PRKCE: variants seen among roughly 807,000 people sequenced by gnomAD.
PRKCE encodes the protein protein kinase C epsilon type.
PRKCE carries 16 observed loss-of-function variants against 85.4 expected under a neutral mutation model. The observed-to-expected ratio is 0.19, with a 90% confidence interval of 0.13 to 0.28. PRKCE has a LOEUF of 0.28. Ranked by LOEUF, PRKCE falls within the 10% of genes least tolerant of loss-of-function variation. The probability of loss-of-function intolerance (pLI) is 1.00; values close to 1 mark genes in which losing one functional copy is unlikely to be tolerated. For missense variants in PRKCE, 573 were observed against 975.2 expected, an observed-to-expected ratio of 0.59 and a Z score of 5.49; for synonymous variants, 388 against 371.5, an observed-to-expected ratio of 1.04 and a Z score of -0.51.
chr2:45,862,439 C>T (rs893026097), intron 2 of PRKCE, among the ~76,000 whole-genome samples: 42 of 152,226 alleles, frequency 2.8e-4, no homozygotes, highest in African/African-American at 9.6e-4. Context: ...TGCATTAGGC[C>T]GGAGATTGTT....
intron 9 of PRKCE, 54 bp from the exon 10 acceptor site, chr2:46,010,290 C>T (rs934074238): frequency 6.0e-6 from 9 of 1,497,368 alleles, no homozygotes; most frequent in African/African-American, 1.4e-5. Context: ...GCTTACACTT[C>T]TTCTTTTTAT....
At chr2:46,130,059 T>A (rs1358173712) in intron 11 of PRKCE, among the ~76,000 whole-genome samples, 1 of 152,142 alleles carries the variant, frequency 6.6e-6, no homozygotes, top group African/African-American at 2.4e-5. Context: ...AATAGCGAGT[T>A]TTTTTTAACC....
intron 2 of PRKCE, among the ~76,000 whole-genome samples, chr2:45,928,270 C>T (rs1467032384): frequency 6.6e-6 from 1 of 152,150 alleles, no homozygotes; most frequent in Non-Finnish European, 1.5e-5. Context: ...TTGAATATAA[C>T]TTTATACTTC....
At chr2:45,666,661 T>C (rs1000700151) in intron 1 of PRKCE, among the ~76,000 whole-genome samples, 17 of 152,048 alleles carry the variant, frequency 1.1e-4, no homozygotes, top group African/African-American at 3.6e-4. Context: ...GCTCTTGGAA[T>C]TGCGGTAACA....
chr2:45,918,362 C>G (rs927540631), intron 2 of PRKCE, among the ~76,000 whole-genome samples: 7 of 152,346 alleles, frequency 4.6e-5, no homozygotes, highest in East Asian at 1.9e-4. Flanking sequence ...TGTGGCACAG[C>G]TTTAACTTTT....
intron 14 of PRKCE, among the ~76,000 whole-genome samples, chr2:46,182,421 G>A (rs1315199005): frequency 2.6e-5 from 4 of 152,078 alleles, no homozygotes; most frequent in Admixed American, 1.3e-4. Context: ...TGGAGAGGGA[G>A]AACAGATGGT....
rs1553445440 is a variant in PRKCE at position 45,903,887 on chromosome 2, T to TTTTTTG, written c.412+60827_412+60828insTTGTTT. Among the ~76,000 whole-genome samples the TTTTTTG allele has an allele frequency of 4.9e-5, 5 of 102,612 alleles. 1 individual carries two copies. The highest frequency in any genetic ancestry group is 7.1e-5 in the African/African-American group (2 of 28,014). 67.3% of individuals were successfully genotyped at this position (102,612 alleles called of 152,430 possible). The stretch of plus-strand genomic sequence containing the variant: ...GAGAGCTTGTAGCCTGGCAGTTTTT[T>TTTTTTG]TTTGTTTGTTTGTTTGTTTGTTTGT... On this transcript the variant is annotated intron_variant, in intron 2 of 14. Transcript: ENST00000306156.
intron 10 of PRKCE, among the ~76,000 whole-genome samples, chr2:46,032,416 C>A (rs948547269): frequency 2.0e-5 from 3 of 152,222 alleles, no homozygotes; most frequent in African/African-American, 7.2e-5. Flanking sequence ...GGAAAACCGC[C>A]ATCCCTCTCT....
intron 1 of PRKCE, among the ~76,000 whole-genome samples, chr2:45,788,520 A>AGG (rs1686789793): frequency 6.6e-6 from 1 of 152,156 alleles, no homozygotes. Flanking sequence ...CATTGCAATC[A>AGG]GGGGGCCTGC....
intron 11 of PRKCE, among the ~76,000 whole-genome samples, chr2:46,087,289 G>C (rs1294875877): frequency 6.6e-6 from 1 of 152,044 alleles, no homozygotes; most frequent in East Asian, 1.9e-4. Context: ...CTGGATCTTT[G>C]ATTTTTGTTG....
At chr2:46,094,460 A>G (rs1242058584) in intron 11 of PRKCE, among the ~76,000 whole-genome samples, 1 of 152,244 alleles carries the variant, frequency 6.6e-6, no homozygotes, top group Non-Finnish European at 1.5e-5. Flanking sequence ...TCTTCAGATG[A>G]GATCATGTCC....
intron 2 of PRKCE, among the ~76,000 whole-genome samples, chr2:45,973,357 G>A (rs576512800): frequency 2.0e-5 from 3 of 152,324 alleles, no homozygotes; most frequent in Non-Finnish European, 2.9e-5. Context: ...GCAGCCACAG[G>A]CTCCAACCCC....
intron 2 of PRKCE, among the ~76,000 whole-genome samples, chr2:45,916,906 G>A (rs1248372359): frequency 1.3e-5 from 2 of 152,144 alleles, no homozygotes; most frequent in Non-Finnish European, 1.5e-5. Flanking sequence ...TGGTGGGTTC[G>A]TGGTCTCACC....
chr2:45,766,538 G>C (rs11685812), intron 1 of PRKCE, among the ~76,000 whole-genome samples: 28,710 of 152,132 alleles, frequency 0.19, 3,267 homozygotes, highest in Middle Eastern at 0.33. Flanking sequence ...GTTGAGGGAA[G>C]CATGATAAAC....
chr2:45,655,934 C>T (rs1572866069), intron 1 of PRKCE, among the ~76,000 whole-genome samples: 2 of 143,964 alleles, frequency 1.4e-5, no homozygotes, highest in Non-Finnish European at 3.0e-5. Flanking sequence ...GAGTGTGAAA[C>T]AGTAGGTTAT....
At chr2:46,047,061 G>T (rs1000557397) in intron 10 of PRKCE, among the ~76,000 whole-genome samples, 2 of 152,154 alleles carry the variant, frequency 1.3e-5, no homozygotes, top group African/African-American at 4.8e-5. Context: ...GTCAGGAGAG[G>T]TGTATCTGAT....
At chr2:46,170,873 G>C (rs77307849) in intron 14 of PRKCE, among the ~76,000 whole-genome samples, 4,337 of 152,288 alleles carry the variant, frequency 0.028, 87 homozygotes, top group Non-Finnish European at 0.04. Flanking sequence ...CTAAATAAGT[G>C]GGGGAGAGAT....
chr2:45,846,895 C>T (rs1054435424), intron 2 of PRKCE, among the ~76,000 whole-genome samples: 2 of 152,188 alleles, frequency 1.3e-5, no homozygotes, highest in Non-Finnish European at 2.9e-5. Flanking sequence ...TATCATGAAG[C>T]CTTGGAGACC....
chr2:46,004,693 A>G lies in PRKCE; in HGVS notation c.1063+55A>G. The G allele has an allele frequency of 7.1e-7, 1 of 1,408,900 alleles. No individual in the cohort carries two copies. Among genetic ancestry groups the G allele is most frequent in the Non-Finnish European group, 9.7e-7 (1 of 1,029,932 alleles). The allele number at this position is 1,408,900 out of a possible 1,614,324, so 87.3% of individuals were successfully genotyped here. On this transcript the variant is annotated intron_variant, in intron 8 of 14. Transcript: ENST00000306156. The surrounding 1 kb of genome is among the most constrained non-coding windows in gnomAD (Gnocchi z 4.1). Reference sequence around the variant, plus strand: ...CTGAGTTCTGCCATTGGATGGACCAAGGAGCTCTGAGGCCTCTTTAACCAA... The same window carrying G: ...CTGAGTTCTGCCATTGGATGGACCAGGGAGCTCTGAGGCCTCTTTAACCAA...
Sources: allele counts gnomAD v4.1 joint callset (sites outside exome capture counted in the v4.1 genomes callset), GRCh38; gene constraint gnomAD v4.1.1; non-coding constraint Gnocchi (gnomAD v3.1); transcripts MANE v1.5; gene names NCBI Gene and HGNC (gene_info 2026-07-23, HGNC 2026-07-21).